The following MDGA2 variants were observed in gnomAD, a reference collection of about 807,000 sequenced individuals.
The protein encoded by MDGA2 is MAM domain containing glycosylphosphatidylinositol anchor 2.
A neutral mutation model predicts 117.8 loss-of-function variants in MDGA2; 40 were observed. The observed-to-expected ratio is 0.34, with a 90% CI of 0.26 to 0.44. The LOEUF is 0.44. Ranked by LOEUF, MDGA2 falls within the 20% of genes least tolerant of loss-of-function variation. MDGA2 has a pLI of 1.00. For missense variants in MDGA2, 1,123 were observed against 1,250.6 expected (o/e 0.90, Z 1.54); for synonymous variants, 452 against 439.0 (o/e 1.03, Z -0.37).
intron 1 of MDGA2, among the ~76,000 whole-genome samples, chr14:47,610,078 A>T (rs557190789): frequency 6.6e-6 from 1 of 152,256 alleles, no homozygotes; most frequent in East Asian, 1.9e-4. Context: ...TCACATGATC[A>T]TCTCAATAGA....
At chr14:47,505,778 C>T (rs1894498474) in intron 1 of MDGA2, among the ~76,000 whole-genome samples, 1 of 152,070 alleles carries the variant, frequency 6.6e-6, no homozygotes, top group Non-Finnish European at 1.5e-5. Context: ...TGGAATAATT[C>T]ATAATCTATG....
intron 8 of MDGA2, among the ~76,000 whole-genome samples, chr14:47,008,397 T>C (rs1887783797): frequency 6.6e-6 from 1 of 151,862 alleles, no homozygotes; most frequent in Admixed American, 6.6e-5. Flanking sequence ...AAACAATATA[T>C]CTGGCATAAG....
chr14:47,174,101 T>C (rs1295643433), intron 3 of MDGA2, among the ~76,000 whole-genome samples: 1 of 152,138 alleles, frequency 6.6e-6, no homozygotes, highest in Non-Finnish European at 1.5e-5. Context: ...GAGGTAACTA[T>C]CCTAAATATA....
At chr14:47,663,950 T>C (rs919103876) in intron 1 of MDGA2, among the ~76,000 whole-genome samples, 2 of 152,166 alleles carry the variant, frequency 1.3e-5, no homozygotes, top group African/African-American at 4.8e-5. Flanking sequence ...ACAAGATCAA[T>C]ACACGTATTT....
intron 1 of MDGA2, among the ~76,000 whole-genome samples, chr14:47,439,375 G>A (rs1289032813): frequency 6.6e-6 from 1 of 151,936 alleles, no homozygotes; most frequent in Non-Finnish European, 1.5e-5. Flanking sequence ...TGAGTTAATG[G>A]AATAATTTAT....
At chr14:47,129,067 T>C (rs1482712971) in intron 5 of MDGA2, among the ~76,000 whole-genome samples, 2 of 151,836 alleles carry the variant, frequency 1.3e-5, no homozygotes, top group African/African-American at 4.8e-5. Context: ...CTTTTAACTA[T>C]ACGAAATAGA....
chr14:47,109,369 T>C (rs1880910078), intron 5 of MDGA2, among the ~76,000 whole-genome samples: 1 of 152,196 alleles, frequency 6.6e-6, no homozygotes, highest in Non-Finnish European at 1.5e-5. Flanking sequence ...TTTCCAGCTT[T>C]TGTCCAGACC....
At chr14:47,045,412 GTTCT>G (rs1429857762) in intron 7 of MDGA2, among the ~76,000 whole-genome samples, 2 of 151,978 alleles carry the variant, frequency 1.3e-5, no homozygotes, top group East Asian at 1.9e-4. Context: ...AAAGCAAATA[GTTCT>G]TTCTTTTTTT....
chr14:47,310,306 G>C (rs1467413863), intron 1 of MDGA2, among the ~76,000 whole-genome samples: 1 of 152,092 alleles, frequency 6.6e-6, no homozygotes, highest in Non-Finnish European at 1.5e-5. Context: ...CTTCTGACAA[G>C]TATGCCAGAG....
At chr14:46,953,361 C>T (rs1289426171) in intron 9 of MDGA2, among the ~76,000 whole-genome samples, 5 of 151,146 alleles carry the variant, frequency 3.3e-5, no homozygotes, top group Non-Finnish European at 7.4e-5. Flanking sequence ...TTAAAAGAAT[C>T]TTAAAATGTC....
At chr14:47,406,411 T>C (rs1892262333) in intron 1 of MDGA2, among the ~76,000 whole-genome samples, 1 of 152,064 alleles carries the variant, frequency 6.6e-6, no homozygotes, top group South Asian at 2.1e-4. Flanking sequence ...TACTTAATTA[T>C]GGTACAAATT....
intron 1 of MDGA2, among the ~76,000 whole-genome samples, chr14:47,308,630 G>A (rs1358422867): frequency 1.4e-5 from 2 of 147,294 alleles, no homozygotes; most frequent in African/African-American, 2.5e-5. Flanking sequence ...ATTTAAATAT[G>A]CTACAGCATA....
intron 6 of MDGA2, among the ~76,000 whole-genome samples, chr14:47,084,782 C>A (rs974109910): frequency 2.0e-5 from 3 of 152,094 alleles, no homozygotes; most frequent in Non-Finnish European, 4.4e-5. Flanking sequence ...GGATATGAAA[C>A]GTTTGCAGTG....
chr14:46,922,300 C>T (rs530296040), intron 9 of MDGA2, among the ~76,000 whole-genome samples: 5 of 152,132 alleles, frequency 3.3e-5, no homozygotes, highest in Admixed American at 2.6e-4. Context: ...TCCCTTTATT[C>T]GAGGTATTTA....
intron 1 of MDGA2, among the ~76,000 whole-genome samples, chr14:47,639,144 T>G (rs985033494): frequency 6.6e-6 from 1 of 152,320 alleles, no homozygotes; most frequent in East Asian, 1.9e-4. Flanking sequence ...TTTATATTTC[T>G]TTATAGCACT....
chr14:46,910,291 A>G lies in MDGA2; in HGVS notation c.2238+9721T>C, dbSNP rs993344439. Among the ~76,000 whole-genome samples, 12 of 152,226 alleles carry G rather than the reference A, an allele frequency of 7.9e-5. No homozygotes were observed. In the South Asian group the frequency reaches 1.5e-3, roughly 18 times the overall value. The stretch of plus-strand genomic sequence containing the variant: ...CACATATATTTCTCTCAAATTTCCA[A>G]TGCAGCATCAGATTCAGGTCATGCT... On this transcript the variant is annotated intron_variant, in intron 10 of 16. Coordinates refer to ENST00000399232, the MANE Select transcript of MDGA2 (RefSeq NM_001113498.3).
intron 1 of MDGA2, among the ~76,000 whole-genome samples, chr14:47,572,111 T>C (rs545559007): frequency 6.6e-6 from 1 of 152,342 alleles, no homozygotes; most frequent in South Asian, 2.1e-4. Flanking sequence ...AAGTTCCAAA[T>C]AGAATCTGAG....
At chr14:47,593,246 G>A (rs1896474898) in intron 1 of MDGA2, among the ~76,000 whole-genome samples, 1 of 152,160 alleles carries the variant, frequency 6.6e-6, no homozygotes, top group East Asian at 1.9e-4. Context: ...TGCTGGCAAG[G>A]CTGTGGAGAA....
intron 1 of MDGA2, among the ~76,000 whole-genome samples, chr14:47,509,902 G>GT (rs1191310423): frequency 6.6e-6 from 1 of 152,194 alleles, no homozygotes; most frequent in Non-Finnish European, 1.5e-5. Flanking sequence ...ATCAAATGAT[G>GT]TTTAGATTAG....
Sources: gnomAD v4.1 joint callset for allele counts (sites outside exome capture counted in the v4.1 genomes callset) on GRCh38, gnomAD v4.1.1 for gene constraint, MANE v1.5 for transcripts, NCBI Gene and HGNC (gene_info 2026-07-23, HGNC 2026-07-21) for gene names.